The following FHIP1A variants were observed in gnomAD, a reference collection of about 807,000 sequenced individuals.
FHIP1A encodes FHF complex subunit HOOK interacting protein 1A.
FHIP1A carries 61 observed loss-of-function variants against 88.6 expected under a neutral mutation model. The observed-to-expected ratio is 0.69, with a 90% confidence interval of 0.56 to 0.85. The LOEUF (loss-of-function observed/expected upper bound fraction) is 0.85, where lower values mean the gene tolerates loss of function less well. FHIP1A is among the 40% of genes least tolerant of loss of function. FHIP1A has a pLI of 0.00. For missense variants in FHIP1A, 1,154 were observed against 1,273.5 expected, an observed-to-expected ratio of 0.91 and a Z score of 1.43; for synonymous variants, 478 against 496.0, an observed-to-expected ratio of 0.96 and a Z score of 0.48.
chr4:151,510,634 A>G (rs1730993827), intron 3 of FHIP1A, among the ~76,000 whole-genome samples: 1 of 152,196 alleles, frequency 6.6e-6, no homozygotes. Flanking sequence ...CAGCGTTGAC[A>G]TGGTTCCTTT....
chr4:151,597,090 T>C (rs1734676333), intron 7 of FHIP1A, among the ~76,000 whole-genome samples: 1 of 152,192 alleles, frequency 6.6e-6, no homozygotes, highest in African/African-American at 2.4e-5. Context: ...TGTGATCCTT[T>C]GGAGGAGAAG....
At chr4:151,512,639 G>A (rs1580652166) in intron 3 of FHIP1A, among the ~76,000 whole-genome samples, 1 of 152,208 alleles carries the variant, frequency 6.6e-6, no homozygotes, top group African/African-American at 2.4e-5. Context: ...CAAGGCTCGA[G>A]AACTACGTGA....
chr4:151,566,324 C>T lies in FHIP1A; in HGVS notation c.65C>T (p.Pro22Leu). 6.4e-7 allele frequency: 1 copy of T among 1,550,676 alleles called. No individual in the cohort carries two copies. Among genetic ancestry groups the T allele is most frequent in the South Asian group, 1.2e-5 (1 of 84,020 alleles). Residue 22 changes from proline to leucine, a missense_variant, in exon 4 of 14, where the codon CCA (proline) becomes CTA (leucine). Physicochemically the swap from Pro to Leu is moderately conservative, Grantham distance 98 (BLOSUM62 -3). Transcript: ENST00000435205. ...QQAVSLQGVD[P>L]ETCMIVFKNH... ...GCTGTGAGCCTACAGGGAGTTGACCCAGAAACATGCATGATTGTATTTAAA... is the reference window on the plus strand; with the variant it reads ...GCTGTGAGCCTACAGGGAGTTGACCTAGAAACATGCATGATTGTATTTAAA...
In FHIP1A at chr4:151,668,801, C is replaced by A. The variant is rs1737756163; in HGVS notation, c.*6047C>A. On this transcript the variant is annotated 3_prime_UTR_variant, in exon 14 of 14. Coordinates refer to ENST00000435205, the MANE Select transcript of FHIP1A (RefSeq NM_001109977.3). ...CTGCCTTCCCACCAGAACCCTCCAA[C>A]CTCCTCCCCAGGCAACAGAACACAG... 6.6e-6 allele frequency among the ~76,000 whole-genome samples: 1 copy of A among 152,238 alleles called. No individual in the cohort carries two copies. The highest frequency in any genetic ancestry group is 6.5e-5 in the Admixed American group (1 of 15,288).
chr4:151,416,486 T>A lies in FHIP1A; in HGVS notation c.-356+7021T>A, dbSNP rs72725983. On this transcript the variant is annotated intron_variant, in intron 1 of 13. Transcript: ENST00000435205. ...TTTCTATACACACATACATACCCCC[T>A]ATATTTATATATGCACATATGTATT... Among the ~76,000 whole-genome samples, 1,389 of 152,304 alleles carry A rather than the reference T, an allele frequency of 9.1e-3. 5 individuals are homozygous for A. The highest frequency in any genetic ancestry group is 0.015 in the Non-Finnish European group (1,045 of 68,022).
rs1182726300 is a variant in FHIP1A, at chr4:151,530,561, T to C, written c.-122-35577T>C. Among the ~76,000 whole-genome samples, 3 of 152,384 alleles carry C rather than the reference T, an allele frequency of 2.0e-5. No homozygotes were observed. In the East Asian group the frequency reaches 5.8e-4, roughly 29 times the overall value. ...CCTGTTTAGGGAATCTTTGGAATTC[T>C]GTTTGGGCTTCTCTAGTGGTTCAAC... On this transcript the variant is annotated intron_variant, in intron 3 of 13. Coordinates refer to ENST00000435205, the MANE Select transcript of FHIP1A (RefSeq NM_001109977.3).
At chr4:151,526,263 A>G (rs1192876043) in intron 3 of FHIP1A, among the ~76,000 whole-genome samples, 2 of 152,048 alleles carry the variant, frequency 1.3e-5, no homozygotes, top group Admixed American at 6.5e-5. Flanking sequence ...ATTCTCAATG[A>G]GCTGTTGGGT....
intron 1 of FHIP1A, among the ~76,000 whole-genome samples, chr4:151,434,800 C>G (rs1416121392): frequency 6.6e-6 from 1 of 152,128 alleles, no homozygotes; most frequent in African/African-American, 2.4e-5. Flanking sequence ...TGGTTGTTTA[C>G]TATTGAGTAA....
intron 7 of FHIP1A, among the ~76,000 whole-genome samples, chr4:151,623,693 G>A (rs1220909623): frequency 6.6e-6 from 1 of 151,904 alleles, no homozygotes; most frequent in African/African-American, 2.4e-5. Flanking sequence ...ATTTTGCAGA[G>A]GAGGAAACAG....
chr4:151,489,848 A>G (rs972705717), intron 3 of FHIP1A, among the ~76,000 whole-genome samples: 8 of 152,144 alleles, frequency 5.3e-5, no homozygotes, highest in African/African-American at 1.9e-4. Context: ...AGACCCGCCT[A>G]ACCCTGTCCC....
At chr4:151,544,419 A>G (rs1396397447) in intron 3 of FHIP1A, among the ~76,000 whole-genome samples, 1 of 152,168 alleles carries the variant, frequency 6.6e-6, no homozygotes, top group Non-Finnish European at 1.5e-5. Context: ...AATGTTTTCA[A>G]CACTTTGGGT....
chr4:151,426,928 A>G (rs1256048219), intron 1 of FHIP1A, among the ~76,000 whole-genome samples: 1 of 152,204 alleles, frequency 6.6e-6, no homozygotes, highest in East Asian at 1.9e-4. Context: ...GTTTCAAGGT[A>G]CATTTAAAAT....
chr4:151,478,690 T>C (rs757893891), intron 2 of FHIP1A, among the ~76,000 whole-genome samples: 1 of 152,142 alleles, frequency 6.6e-6, no homozygotes, highest in Non-Finnish European at 1.5e-5. Context: ...TTAATATACG[T>C]ACTGTGTTTT....
chr4:151,531,795 A>G (rs1731886760), intron 3 of FHIP1A, among the ~76,000 whole-genome samples: 1 of 152,210 alleles, frequency 6.6e-6, no homozygotes, highest in African/African-American at 2.4e-5. Flanking sequence ...GAATAAATTT[A>G]TGTGCAATGC....
chr4:151,611,073 G>T (rs1735306933), intron 7 of FHIP1A, among the ~76,000 whole-genome samples: 1 of 152,166 alleles, frequency 6.6e-6, no homozygotes. Context: ...AGGAGCCTGT[G>T]TGTGTGTATG....
rs148204083 is a variant in FHIP1A, at chr4:151,489,368, T to C, written c.-123+6720T>C. On this transcript the variant is annotated intron_variant, in intron 3 of 13. Coordinates refer to ENST00000435205, the MANE Select transcript of FHIP1A (RefSeq NM_001109977.3). Reference sequence around the variant, plus strand: ...GGGGAAGGGAAGGCAGCCAGCAGAATTGGGGAGGGGCCACAGAGTGAAGGA... The same window carrying C: ...GGGGAAGGGAAGGCAGCCAGCAGAACTGGGGAGGGGCCACAGAGTGAAGGA... Among the ~76,000 whole-genome samples, 468 of 152,228 alleles carry C rather than the reference T, an allele frequency of 3.1e-3. 2 individuals carry two copies. The highest frequency in any genetic ancestry group is 1.0e-2 in the African/African-American group (414 of 41,538).
At chr4:151,565,540 A>G (rs2126770512) in intron 3 of FHIP1A, among the ~76,000 whole-genome samples, 1 of 152,260 alleles carries the variant, frequency 6.6e-6, no homozygotes, top group Middle Eastern at 3.4e-3. Flanking sequence ...CCACAAAATG[A>G]TTGAGAATCC....
At chr4:151,475,836 G>A (rs1031825397) in intron 2 of FHIP1A, among the ~76,000 whole-genome samples, 1 of 151,582 alleles carries the variant, frequency 6.6e-6, no homozygotes, top group Non-Finnish European at 1.5e-5. Context: ...TATAGAAAAG[G>A]CATTTGATAA....
intron 8 of FHIP1A, among the ~76,000 whole-genome samples, chr4:151,633,679 C>CTTA (rs1342981148): frequency 6.6e-6 from 1 of 151,896 alleles, no homozygotes; most frequent in African/African-American, 2.4e-5. Flanking sequence ...TAATATACCA[C>CTTA]ATTAACAGAA....
Sources: allele counts gnomAD v4.1 joint callset (sites outside exome capture counted in the v4.1 genomes callset), GRCh38; gene constraint gnomAD v4.1.1; transcripts MANE v1.5; gene names NCBI Gene and HGNC (gene_info 2026-07-23, HGNC 2026-07-21).